The following WIF1 variants were observed in gnomAD, a reference collection of about 807,000 sequenced individuals.
The protein encoded by WIF1 is Wnt inhibitory factor 1.
In WIF1, 35 loss-of-function variants were observed where a neutral mutation model predicts 53.5. The observed-to-expected ratio is 0.65, with a 90% confidence interval of 0.50 to 0.87. The LOEUF is 0.87. Among genes scored for constraint, WIF1 ranks in the 40% least tolerant of loss-of-function variants. WIF1 has a pLI of 0.00. For synonymous variants in WIF1, 171 were observed against 170.4 expected (o/e 1.00, Z -0.03); for missense variants, 467 against 476.8 (o/e 0.98, Z 0.19).
intron 5 of WIF1, 143 bp from the exon 6 acceptor site, chr12:65,066,879 C>G: frequency 2.2e-6 from 1 of 452,212 alleles, no homozygotes; most frequent in Non-Finnish European, 3.8e-6. Context: ...TACAAGTTTG[C>G]TATATTAATA....
intron 2 of WIF1, among the ~76,000 whole-genome samples, chr12:65,098,208 T>C (rs1883232454): frequency 6.6e-6 from 1 of 152,176 alleles, no homozygotes; most frequent in Non-Finnish European, 1.5e-5. Flanking sequence ...TTTTTAAACA[T>C]ATATATTATC....
At chr12:65,107,661 C>T (rs1351222795) in intron 2 of WIF1, among the ~76,000 whole-genome samples, 1 of 152,072 alleles carries the variant, frequency 6.6e-6, no homozygotes, top group African/African-American at 2.4e-5. Flanking sequence ...AGGAGGTTTC[C>T]TACCTGGACT....
intron 2 of WIF1, among the ~76,000 whole-genome samples, chr12:65,086,019 T>C (rs1883032022): frequency 6.6e-6 from 1 of 152,192 alleles, no homozygotes; most frequent in African/African-American, 2.4e-5. Context: ...AGGGCTATAT[T>C]GCTATTTTGT....
intron 2 of WIF1, among the ~76,000 whole-genome samples, chr12:65,092,418 A>G (rs892742739): frequency 2.1e-5 from 3 of 143,308 alleles, no homozygotes; most frequent in African/African-American, 7.6e-5. Flanking sequence ...GTATCCCAGA[A>G]CATACATATA....
At chr12:65,091,462 A>G (rs1442069000) in intron 2 of WIF1, among the ~76,000 whole-genome samples, 1 of 151,392 alleles carries the variant, frequency 6.6e-6, no homozygotes, top group African/African-American at 2.4e-5. Context: ...ATCTTTGAGA[A>G]TCTCTGATAA....
intron 1 of WIF1, 176 bp from the exon 2 acceptor site, chr12:65,120,732 G>T: frequency 1.2e-6 from 1 of 854,058 alleles, no homozygotes; most frequent in Non-Finnish European, 1.7e-6. Context: ...TGATGAGAAT[G>T]ATGCCAACAG....
At chr12:65,095,139 T>C (rs1032125432) in intron 2 of WIF1, among the ~76,000 whole-genome samples, 1 of 150,308 alleles carries the variant, frequency 6.7e-6, no homozygotes, top group African/African-American at 2.5e-5. Flanking sequence ...AGGGTCTTAC[T>C]ATGTTGCCCA....
chr12:65,103,869 A>T (rs113200560), intron 2 of WIF1, among the ~76,000 whole-genome samples: 2 of 152,306 alleles, frequency 1.3e-5, no homozygotes, highest in African/African-American at 4.8e-5. Context: ...TAGTGGCTTC[A>T]AGCCTGGGTG....
chr12:65,067,543 C>G, intron 5 of WIF1, 152 bp downstream of exon 5: 1 of 698,346 alleles, frequency 1.4e-6, no homozygotes, highest in East Asian at 2.8e-5. Context: ...CCAGGAATGG[C>G]CACAGAAAGT....
intron 2 of WIF1, among the ~76,000 whole-genome samples, chr12:65,102,456 C>A (rs1239537327): frequency 6.6e-6 from 1 of 152,134 alleles, no homozygotes; most frequent in Non-Finnish European, 1.5e-5. Flanking sequence ...TTGTTCTACT[C>A]AGGCCTTCAA....
intron 2 of WIF1, among the ~76,000 whole-genome samples, chr12:65,088,008 C>A (rs1033548607): frequency 6.6e-6 from 1 of 152,098 alleles, no homozygotes; most frequent in Non-Finnish European, 1.5e-5. Flanking sequence ...CTCTTCTAAT[C>A]ATTTGCTATT....
In WIF1 at chr12:65,050,875, G is replaced by T; in HGVS notation, c.*474C>A. ...TGGTAAGGTCAAAATATATTGTATT[G>T]AGAGTTTAAAAATTAAGAGCAATTT... On this transcript the variant is annotated 3_prime_UTR_variant, in exon 10 of 10. Coordinates refer to ENST00000286574, the MANE Select transcript of WIF1 (RefSeq NM_007191.5). 4.7e-6 allele frequency: 1 copy of T among 211,710 alleles called. No individual in the cohort carries two copies. The highest frequency in any genetic ancestry group is 5.9e-5 in the Admixed American group (1 of 16,912). The allele number at this position is 211,710 out of a possible 1,614,324, so 13.1% of individuals were successfully genotyped here. A position where few individuals can be genotyped will look rare whatever the true frequency, so the allele number is the denominator to read the frequency against.
At chr12:65,111,411 T>C (rs989210072) in intron 2 of WIF1, among the ~76,000 whole-genome samples, 4 of 152,138 alleles carry the variant, frequency 2.6e-5, no homozygotes, top group African/African-American at 4.8e-5. Context: ...CTCTAGAAGA[T>C]AGCCCTGGTT....
intron 7 of WIF1, among the ~76,000 whole-genome samples, chr12:65,061,217 C>G (rs1425480729): frequency 6.6e-6 from 1 of 152,194 alleles, no homozygotes; most frequent in Non-Finnish European, 1.5e-5. Context: ...ACTTCATCCA[C>G]TACTCATTAA....
chr12:65,067,709 G>A lies in WIF1; in HGVS notation c.620C>T (p.Pro207Leu). The A allele has an allele frequency of 2.5e-6, 4 of 1,613,224 alleles. No individual in the cohort carries two copies. Among genetic ancestry groups the A allele is most frequent in the Non-Finnish European group, 3.4e-6 (4 of 1,179,382 alleles). The change falls in exon 5 of 10, where the codon CCT becomes CTT. Residue 207 changes from proline (P) to leucine (L), a missense_variant. Physicochemically the swap from Pro to Leu is moderately conservative, Grantham distance 98 (BLOSUM62 -3). Transcript: ENST00000286574. ...CCATGTCTTACCTTTCTCACAGTGA[G>A]GTCCGTGGAACCCATCAGGACACTC... ...ICECPDGFHGPHCEKALCTPR... is the reference protein window; with the variant it reads ...ICECPDGFHGLHCEKALCTPR...
At position 65,050,892 on chromosome 12, in the gene WIF1, G is replaced by A. The variant is rs1882429628; in HGVS notation, c.*457C>T. 1 of 215,546 alleles carries A rather than the reference G, an allele frequency of 4.6e-6. No homozygotes were observed. The highest frequency in any genetic ancestry group is 9.3e-6 in the Non-Finnish European group (1 of 107,506). The allele number at this position is 215,546 out of a possible 1,614,324, so 13.4% of individuals were successfully genotyped here. Reference sequence around the variant, plus strand: ...ATTGTATTGAGAGTTTAAAAATTAAGAGCAATTTTTAAAAATGTAACAAAC... The same window carrying A: ...ATTGTATTGAGAGTTTAAAAATTAAAAGCAATTTTTAAAAATGTAACAAAC... On this transcript the variant is annotated 3_prime_UTR_variant, in exon 10 of 10. Coordinates refer to ENST00000286574, the MANE Select transcript of WIF1 (RefSeq NM_007191.5).
chr12:65,118,104 A>G (rs944356215), intron 2 of WIF1, among the ~76,000 whole-genome samples: 1 of 152,256 alleles, frequency 6.6e-6, no homozygotes, highest in African/African-American at 2.4e-5. Flanking sequence ...ATGTTGCTAA[A>G]ACACTTAAAT....
Position 65,056,011 on chromosome 12 carries a change from A to G in WIF1, c.922+20T>C, listed in dbSNP as rs1882519857. ...TAACGACCTAGTAGCCCAGATTGGC[A>G]ATGTGTATGGGGTACTTACGCTTTG... is the stretch of plus-strand genomic sequence containing the variant. On this transcript the variant is annotated intron_variant, in intron 8 of 9. Transcript: ENST00000286574. The G allele has an allele frequency of 6.2e-7, 1 of 1,606,666 alleles. No individual in the cohort carries two copies.
intron 2 of WIF1, among the ~76,000 whole-genome samples, chr12:65,092,508 G>A (rs76026807): frequency 1.4e-5 from 2 of 146,694 alleles, no homozygotes; most frequent in Non-Finnish European, 1.5e-5. Context: ...ATATATGTGT[G>A]TATATATATA....
Sources: allele counts gnomAD v4.1 joint callset (sites outside exome capture counted in the v4.1 genomes callset), GRCh38; gene constraint gnomAD v4.1.1; transcripts MANE v1.5; gene names NCBI Gene and HGNC (gene_info 2026-07-23, HGNC 2026-07-21).